Variants in GLUD1 observed in about 807,000 individuals in gnomAD.
GLUD1 encodes glutamate dehydrogenase 1, mitochondrial.
GLUD1 carries 22 observed loss-of-function variants against 56.0 expected under a neutral mutation model. The observed-to-expected ratio is 0.39, with a 90% CI of 0.28 to 0.56. The LOEUF (loss-of-function observed/expected upper bound fraction) is 0.56. Ranked by LOEUF, GLUD1 falls within the 20% of genes least tolerant of loss-of-function variation. The pLI is 0.58. For synonymous variants in GLUD1, 223 were observed against 269.9 expected (o/e 0.83, Z 1.70); for missense variants, 451 against 732.0 (o/e 0.62, Z 4.43).
intron 5 of GLUD1, 56 bp from the exon 6 acceptor site, chr10:87,062,891 G>T: frequency 6.7e-7 from 1 of 1,491,084 alleles, no homozygotes; most frequent in Non-Finnish European, 9.3e-7. Flanking sequence ...CTCTGTTGAA[G>T]GAACATAATG....
chr10:87,072,083 G>C (rs573787815), intron 4 of GLUD1, among the ~76,000 whole-genome samples: 2 of 152,208 alleles, frequency 1.3e-5, no homozygotes, highest in South Asian at 4.1e-4. Context: ...GACCAGTCTG[G>C]GATACGTGAT....
At chr10:87,088,306 C>CA in intron 1 of GLUD1, among the ~76,000 whole-genome samples, 1 of 150,294 alleles carries the variant, frequency 6.7e-6, no homozygotes, top group East Asian at 2.0e-4. Flanking sequence ...TGGGAGAAAT[C>CA]AATGAAAAAA....
chr10:87,081,194 TG>T (rs71019463), intron 1 of GLUD1, among the ~76,000 whole-genome samples: 37,200 of 109,662 alleles, frequency 0.34, 7,306 homozygotes, highest in African/African-American at 0.47. Context: ...AGGAGGGAGG[TG>T]GGGGGGTCAG....
intron 1 of GLUD1, among the ~76,000 whole-genome samples, chr10:87,093,520 C>T (rs2133869044): frequency 6.6e-6 from 1 of 152,272 alleles, no homozygotes; most frequent in Non-Finnish European, 1.5e-5. Context: ...TTATCTGACC[C>T]CTTTCTTCAC....
intron 5 of GLUD1, among the ~76,000 whole-genome samples, chr10:87,065,888 A>C (rs1294048271): frequency 6.6e-6 from 1 of 152,162 alleles, no homozygotes; most frequent in East Asian, 1.9e-4. Context: ...CACAGCACTG[A>C]TGGGTGAAGG....
intron 1 of GLUD1, among the ~76,000 whole-genome samples, chr10:87,093,122 C>A (rs186744793): frequency 9.8e-5 from 15 of 152,310 alleles, no homozygotes; most frequent in African/African-American, 3.6e-4. Context: ...CTTTGTCCCC[C>A]CTGCTGGGAA....
rs567246619 is a variant in GLUD1 at position 87,094,220 on chromosome 10, G to A, written c.445+105C>T. The A allele has an allele frequency of 2.1e-5, 30 of 1,426,688 alleles. No individual in the cohort carries two copies. The East Asian group carries it at 4.8e-4, about 23-fold the overall frequency. The allele number at this position is 1,426,688 out of a possible 1,614,324, so 88.4% of individuals were successfully genotyped here. A position where few individuals can be genotyped will look rare whatever the true frequency, so the allele number is the denominator to read the frequency against. On this transcript the variant is annotated intron_variant, in intron 1 of 12. Coordinates refer to ENST00000277865, the MANE Select transcript of GLUD1 (RefSeq NM_005271.5). The surrounding 1 kb of genome is among the most constrained non-coding windows in gnomAD (Gnocchi z 6.6). ...CCGGGCGGGGACCCGGCCCGCTCCA[G>A]CTGGGCTGGGCTGGGCTGAGCAGCG...
At chr10:87,065,670 A>T (rs1343703123) in intron 5 of GLUD1, among the ~76,000 whole-genome samples, 1 of 152,166 alleles carries the variant, frequency 6.6e-6, no homozygotes, top group African/African-American at 2.4e-5. Flanking sequence ...TGAAGGGTCT[A>T]TATCGTTCCT....
chr10:87,057,584 G>A, intron 11 of GLUD1, 107 bp downstream of exon 11: 1 of 770,552 alleles, frequency 1.3e-6, no homozygotes, highest in Non-Finnish European at 2.4e-6. Context: ...TTACTGTCAA[G>A]CTAATTACAA....
intron 4 of GLUD1, among the ~76,000 whole-genome samples, chr10:87,071,058 G>A (rs887063144): frequency 6.6e-6 from 1 of 152,064 alleles, no homozygotes; most frequent in African/African-American, 2.4e-5. Context: ...GAACCCGGGA[G>A]GCGGAGCTTG....
At chr10:87,056,536 C>G (rs2133785842) in intron 11 of GLUD1, among the ~76,000 whole-genome samples, 1 of 152,238 alleles carries the variant, frequency 6.6e-6, no homozygotes, top group East Asian at 1.9e-4. Flanking sequence ...CTCAGGTGAG[C>G]CACCTGCCTT....
chr10:87,083,713 G>C (rs1287394956), intron 1 of GLUD1, among the ~76,000 whole-genome samples: 2 of 152,178 alleles, frequency 1.3e-5, no homozygotes, highest in Non-Finnish European at 2.9e-5. Context: ...AGTTAGGCAT[G>C]GTGGCTCATG....
At chr10:87,086,169 A>G (rs1461027369) in intron 1 of GLUD1, among the ~76,000 whole-genome samples, 1 of 152,192 alleles carries the variant, frequency 6.6e-6, no homozygotes, top group Non-Finnish European at 1.5e-5. Flanking sequence ...TGCACTATTC[A>G]AGGGCATGAT....
At chr10:87,057,657 G>A (rs200311046) in intron 11 of GLUD1, 34 bp downstream of exon 11, 3 of 1,020,522 alleles carry the variant, frequency 2.9e-6, no homozygotes, top group African/African-American at 3.1e-5. Context: ...CAGGGAGCAT[G>A]TGTGAAGTAC....
At chr10:87,089,404 AAC>A (rs1405312331) in intron 1 of GLUD1, among the ~76,000 whole-genome samples, 1 of 152,274 alleles carries the variant, frequency 6.6e-6, no homozygotes, top group African/African-American at 2.4e-5. Context: ...AATCAGGGAC[AAC>A]AGTGTATTGC....
chr10:87,061,187 A>C, intron 6 of GLUD1, 135 bp from the exon 7 acceptor site: 1 of 868,300 alleles, frequency 1.2e-6, no homozygotes, highest in Non-Finnish European at 2.0e-6. Context: ...AAAAGAAACA[A>C]TGTACTAACT....
At chr10:87,084,703 G>C (rs1841340994) in intron 1 of GLUD1, among the ~76,000 whole-genome samples, 1 of 152,106 alleles carries the variant, frequency 6.6e-6, no homozygotes. Flanking sequence ...CTAATTTCCA[G>C]CTGCACTCTC....
intron 1 of GLUD1, among the ~76,000 whole-genome samples, chr10:87,080,177 T>C (rs1242990518): frequency 6.6e-6 from 1 of 151,880 alleles, no homozygotes; most frequent in Non-Finnish European, 1.5e-5. Flanking sequence ...TAACCGCGAG[T>C]GATCCGCCAG....
At chr10:87,086,386 T>A (rs1841382132) in intron 1 of GLUD1, among the ~76,000 whole-genome samples, 1 of 152,218 alleles carries the variant, frequency 6.6e-6, no homozygotes. Context: ...CTGTTGGGAA[T>A]ACATTACTGT....
Sources: allele counts gnomAD v4.1 joint callset (sites outside exome capture counted in the v4.1 genomes callset), GRCh38; gene constraint gnomAD v4.1.1; non-coding constraint Gnocchi (gnomAD v3.1); transcripts MANE v1.5; gene names NCBI Gene and HGNC (gene_info 2026-07-23, HGNC 2026-07-21).